The following TRPC5OS variants were observed in gnomAD, a reference collection of about 807,000 sequenced individuals.
The protein encoded by TRPC5OS is putative uncharacterized protein TRPC5OS.
For synonymous variants in TRPC5OS, 30 were observed against 29.3 expected, an observed-to-expected ratio of 1.02 and a Z score of -0.08; for missense variants, 64 against 79.3, an observed-to-expected ratio of 0.81 and a Z score of 0.73.
At chrX:111,879,415 GCTGAA>G (rs767097781) in intron 1 of TRPC5OS, among the ~76,000 whole-genome samples, 1 of 112,071 alleles carries the variant, frequency 8.9e-6, no homozygotes, top group Non-Finnish European at 1.9e-5. Context: ...TGTGGGTTAA[GCTGAA>G]CTAGGAGTGA....
chrX:111,878,081 G>A (rs1047682905), intron 1 of TRPC5OS, among the ~76,000 whole-genome samples: 1 of 110,754 alleles, frequency 9.0e-6, no homozygotes, highest in African/African-American at 3.3e-5. Flanking sequence ...GCAGTGAGGA[G>A]AAGGGAAAGA....
chrX:111,901,259 G>A (rs1925328759), intron 3 of TRPC5OS, among the ~76,000 whole-genome samples: 1 of 111,366 alleles, frequency 9.0e-6, no homozygotes, highest in Non-Finnish European at 1.9e-5. Context: ...GACCCTGCGT[G>A]AGTGTATCCT....
chrX:111,881,513 T>C (rs1396095518), intron 1 of TRPC5OS, among the ~76,000 whole-genome samples: 1 of 111,698 alleles, frequency 9.0e-6, no homozygotes, highest in Non-Finnish European at 1.9e-5. Flanking sequence ...TGTTACCAAA[T>C]GTCGGTGTCC....
intron 1 of TRPC5OS, among the ~76,000 whole-genome samples, chrX:111,893,443 A>G (rs1327569971): frequency 9.0e-6 from 1 of 111,715 alleles, no homozygotes; most frequent in Non-Finnish European, 1.9e-5. Flanking sequence ...TCATGTTTGA[A>G]CAGTGTTTTG....
At chrX:111,893,693 G>T (rs1037105163) in intron 1 of TRPC5OS, among the ~76,000 whole-genome samples, 2 of 111,124 alleles carry the variant, frequency 1.8e-5, no homozygotes, top group Middle Eastern at 4.7e-3. Flanking sequence ...TTCAAGAAGG[G>T]GCCATGTTTA....
intron 1 of TRPC5OS, among the ~76,000 whole-genome samples, chrX:111,891,911 G>A (rs1924827166): frequency 8.9e-6 from 1 of 112,088 alleles, no homozygotes; most frequent in African/African-American, 3.2e-5. Flanking sequence ...ACCAGAAGAA[G>A]GAAACTATAA....
intron 1 of TRPC5OS, among the ~76,000 whole-genome samples, chrX:111,887,747 A>G (rs1603077848): frequency 8.9e-6 from 1 of 112,220 alleles, no homozygotes. Context: ...GTAAGGAATT[A>G]TTAGTCCTTA....
chrX:111,893,303 C>CA (rs1255112283), intron 1 of TRPC5OS, among the ~76,000 whole-genome samples: 1 of 110,359 alleles, frequency 9.1e-6, no homozygotes, highest in African/African-American at 3.3e-5. Flanking sequence ...ATTTGAAAAC[C>CA]AAAAAAATCT....
Position 111,901,740 on chromosome X carries a change from C to A in TRPC5OS, c.-110C>A. 1 of 594,527 alleles carries A rather than the reference C, an allele frequency of 1.7e-6. No homozygotes were observed. The highest frequency in any genetic ancestry group is 2.5e-6 in the Non-Finnish European group (1 of 404,053). The allele number at this position is 594,527 out of a possible 1,213,427, so 49.0% of individuals were successfully genotyped here. A position where few individuals can be genotyped will look rare whatever the true frequency, so the allele number is the denominator to read the frequency against. ...TCATATCAACATCCTAATTTCTGGC[C>A]TAAACCAACCACAGAACCATTGTTA... On this transcript the variant is annotated 5_prime_UTR_variant, in exon 4 of 4. Coordinates refer to ENST00000635763, the MANE Select transcript of TRPC5OS (RefSeq NM_001195578.2).
chrX:111,881,392 G>A (rs914476858), intron 1 of TRPC5OS, among the ~76,000 whole-genome samples: 1 of 110,557 alleles, frequency 9.0e-6, no homozygotes, highest in African/African-American at 3.3e-5. Flanking sequence ...TGGCCTGGAT[G>A]GTTTCAATCC....
At chrX:111,881,427 C>T (rs958965067) in intron 1 of TRPC5OS, among the ~76,000 whole-genome samples, 3 of 111,201 alleles carry the variant, frequency 2.7e-5, no homozygotes, top group Non-Finnish European at 3.8e-5. Flanking sequence ...CCACCTGCCT[C>T]GGCCTCCCAA....
chrX:111,880,711 A>G (rs1924169173), intron 1 of TRPC5OS, among the ~76,000 whole-genome samples: 3 of 112,478 alleles, frequency 2.7e-5, no homozygotes, highest in Non-Finnish European at 5.6e-5. Flanking sequence ...GTGTATGTAT[A>G]TACAAATACA....
rs755876462 is a variant in TRPC5OS, at chrX:111,896,110, GC to G, written c.-400+17del. The G allele has an allele frequency of 9.0e-6, 1 of 111,061 alleles. No individual in the cohort carries two copies. The highest frequency in any genetic ancestry group is 3.8e-4 in the South Asian group (1 of 2,607). 9.2% of individuals were successfully genotyped at this position (111,061 alleles called of 1,213,427 possible). On this transcript the variant is annotated intron_variant, in intron 2 of 3. Coordinates refer to ENST00000635763, the MANE Select transcript of TRPC5OS (RefSeq NM_001195578.2). ...AGGTGACTTCAGGTAAGAAAAACTA[GC>G]CCTGCATTTTGGGCTTCTCAAGTTT...
intron 1 of TRPC5OS, among the ~76,000 whole-genome samples, chrX:111,878,692 C>T (rs370159627): frequency 3.2e-4 from 36 of 111,361 alleles, no homozygotes; most frequent in African/African-American, 1.2e-3. Context: ...TCCTGATGGG[C>T]AGATGGGTGG....
rs761618038 is a variant in TRPC5OS, at chrX:111,888,401, G to A, written c.-545-7550G>A. On this transcript the variant is annotated intron_variant, in intron 1 of 3. Transcript: ENST00000635763. Reference sequence around the variant, plus strand: ...GTTGAAAAAGAGACTGTAGCTGGGCGCGGTGGCTCATGCCTGTAATCCCAG... The same window carrying A: ...GTTGAAAAAGAGACTGTAGCTGGGCACGGTGGCTCATGCCTGTAATCCCAG... Among the ~76,000 whole-genome samples the A allele has an allele frequency of 5.9e-4, 64 of 108,252 alleles. No individual in the cohort carries two copies. In the Middle Eastern group the frequency reaches 0.014, roughly 24 times the overall value. The allele number at this position is 108,252 out of a possible 115,157, so 94.0% of individuals were successfully genotyped here.
At chrX:111,900,085 T>A (rs1925266565) in intron 3 of TRPC5OS, among the ~76,000 whole-genome samples, 1 of 111,617 alleles carries the variant, frequency 9.0e-6, no homozygotes, top group Non-Finnish European at 1.9e-5. Context: ...AAAGGCCCTG[T>A]GAAGACCAGC....
At chrX:111,888,695 A>G (rs1227185807) in intron 1 of TRPC5OS, among the ~76,000 whole-genome samples, 1 of 92,902 alleles carries the variant, frequency 1.1e-5, no homozygotes, top group East Asian at 3.3e-4. Context: ...CTCTATCTCA[A>G]AAAAAAAAAA....
intron 3 of TRPC5OS, among the ~76,000 whole-genome samples, chrX:111,900,959 C>A (rs1925312948): frequency 9.0e-6 from 1 of 110,940 alleles, no homozygotes; most frequent in South Asian, 3.8e-4. Context: ...GCAAAGCCCA[C>A]TAGACACGCA....
chrX:111,881,145 T>TATTTTATTTTATTTTATTTTATTTTA (rs201802293), intron 1 of TRPC5OS, among the ~76,000 whole-genome samples: 4 of 95,038 alleles, frequency 4.2e-5, no homozygotes, highest in African/African-American at 2.2e-4. Flanking sequence ...GATTTTCTTT[T>TATTTTATTTTATTTTATTTTATTTTA]GTTTATTTTA....
Sources: gnomAD v4.1 joint callset for allele counts (sites outside exome capture counted in the v4.1 genomes callset) on GRCh38, gnomAD v4.1.1 for gene constraint, MANE v1.5 for transcripts, NCBI Gene and HGNC (gene_info 2026-07-23, HGNC 2026-07-21) for gene names.